Variants in ABCA10 observed in about 807,000 individuals in gnomAD.
ABCA10 encodes ATP binding cassette subfamily A member 10.
Under a neutral mutation model 187.5 loss-of-function variants are expected in ABCA10, and 169 were observed. The ratio of observed to expected loss-of-function variants is 0.90; its 90% CI spans 0.80 to 1.02. ABCA10 has a LOEUF of 1.02. ABCA10 is among the 50% of genes least tolerant of loss of function. The probability of loss-of-function intolerance (pLI) is 0.00; values close to 1 mark genes in which losing one functional copy is unlikely to be tolerated. For missense variants in ABCA10, 1,727 were observed against 1,812.4 expected (o/e 0.95, Z 0.86); for synonymous variants, 574 against 601.8 (o/e 0.95, Z 0.68).
At chr17:69,190,042 A>G (rs2074448196) in intron 18 of ABCA10, among the ~76,000 whole-genome samples, 1 of 152,212 alleles carries the variant, frequency 6.6e-6, no homozygotes, top group South Asian at 2.1e-4. Context: ...CAATAGCAGA[A>G]TTCATCGCTA....
In ABCA10 at chr17:69,182,877, A is replaced by C. The variant is rs1330100853; in HGVS notation, c.2498-69T>G. On this transcript the variant is annotated intron_variant, in intron 20 of 38. Transcript: ENST00000690296. ...CAAGAAAATCAAAGTCAAAGCTTAA[A>C]ATAATAATGATTGCCAATCGTGTTA... The C allele has an allele frequency of 2.0e-6, 3 of 1,515,962 alleles. No homozygotes were observed. In the African/African-American group the frequency reaches 4.2e-5, roughly 21 times the overall value. The allele number at this position is 1,515,962 out of a possible 1,614,324, so 93.9% of individuals were successfully genotyped here.
intron 20 of ABCA10, among the ~76,000 whole-genome samples, chr17:69,183,546 C>G (rs1017336334): frequency 6.6e-6 from 1 of 152,102 alleles, no homozygotes; most frequent in East Asian, 1.9e-4. Flanking sequence ...TGAGTGCCCT[C>G]GGTGTGAAAG....
intron 9 of ABCA10, among the ~76,000 whole-genome samples, chr17:69,209,868 A>G (rs2074624900): frequency 6.6e-6 from 1 of 152,190 alleles, no homozygotes; most frequent in South Asian, 2.1e-4. Context: ...AGACAATGGT[A>G]TCTCTATCTT....
At chr17:69,238,856 T>C (rs1404805511) in intron 1 of ABCA10, among the ~76,000 whole-genome samples, 2 of 152,208 alleles carry the variant, frequency 1.3e-5, no homozygotes, top group Non-Finnish European at 2.9e-5. Flanking sequence ...GAGGCAATTG[T>C]CTTCAACCTT....
chr17:69,222,483 G>A, intron 4 of ABCA10, 50 bp downstream of exon 4: 3 of 1,382,904 alleles, frequency 2.2e-6, no homozygotes, highest in Non-Finnish European at 2.9e-6. Context: ...CCAAACAGGG[G>A]ATTCCATGAA....
chr17:69,199,329 AT>A (rs1377977260), intron 10 of ABCA10, among the ~76,000 whole-genome samples: 1 of 152,224 alleles, frequency 6.6e-6, no homozygotes, highest in East Asian at 1.9e-4. Flanking sequence ...GTTAAAGACT[AT>A]CATTAATCTC....
chr17:69,193,198 G>T lies in ABCA10; in HGVS notation c.1692C>A (p.His564Gln). The change falls in exon 15 of 39, where the codon CAC becomes CAA. Residue 564 changes from histidine to glutamine, a missense_variant. Physicochemically the swap from His to Gln is conservative, Grantham distance 24. Transcript: ENST00000690296. ...GCTCCTTCAGGAGGCTCCACACTCG[G>T]TGTCTTGAAAAGGGATCCAATCCAG... ...PTAGLDPFSRHRVWSLLKEHK... is the reference protein window; with the variant it reads ...PTAGLDPFSRQRVWSLLKEHK... 6.2e-7 allele frequency: 1 copy of T among 1,614,096 alleles called. No homozygotes were observed. The highest frequency in any genetic ancestry group is 8.5e-7 in the Non-Finnish European group (1 of 1,180,006).
At chr17:69,181,623 T>C (rs1156517636) in intron 22 of ABCA10, among the ~76,000 whole-genome samples, 1 of 151,994 alleles carries the variant, frequency 6.6e-6, no homozygotes, top group East Asian at 1.9e-4. Flanking sequence ...AGTAAATAAT[T>C]ATATATTTAA....
intron 17 of ABCA10, among the ~76,000 whole-genome samples, 153 bp downstream of exon 17, chr17:69,191,023 T>C (rs1412844678): frequency 2.0e-5 from 3 of 152,154 alleles, no homozygotes; most frequent in East Asian, 1.9e-4. Context: ...CCTGGTAACA[T>C]AGATCATCAT....
At chr17:69,206,055 T>A (rs1325793488) in intron 9 of ABCA10, among the ~76,000 whole-genome samples, 1 of 152,178 alleles carries the variant, frequency 6.6e-6, no homozygotes, top group African/African-American at 2.4e-5. Context: ...CTAACTGTTA[T>A]AATTGAGCTT....
At chr17:69,240,933 C>T (rs759127412) in intron 1 of ABCA10, among the ~76,000 whole-genome samples, 17 of 152,190 alleles carry the variant, frequency 1.1e-4, no homozygotes, top group Non-Finnish European at 2.2e-4. Context: ...ACTGCTAGGG[C>T]CTTGCTGTAC....
intron 25 of ABCA10, among the ~76,000 whole-genome samples, chr17:69,166,163 ATCT>A (rs1322974796): frequency 6.6e-6 from 1 of 152,144 alleles, no homozygotes; most frequent in Non-Finnish European, 1.5e-5. Context: ...GAGGCTAATC[ATCT>A]TATTCTCAAG....
chr17:69,203,476 CTT>C (rs1217526111), intron 9 of ABCA10, among the ~76,000 whole-genome samples: 1 of 152,202 alleles, frequency 6.6e-6, no homozygotes, highest in Non-Finnish European at 1.5e-5. Context: ...ATCCTCATCT[CTT>C]TTCCCTCTCA....
chr17:69,202,072 C>T (rs184409916), intron 9 of ABCA10, among the ~76,000 whole-genome samples: 35 of 152,288 alleles, frequency 2.3e-4, no homozygotes, highest in East Asian at 1.5e-3. Context: ...CGTGAGCCAC[C>T]GTGCCCGGCT....
chr17:69,232,135 A>C (rs2074836313), upstream of ABCA10, among the ~76,000 whole-genome samples: 2 of 151,994 alleles, frequency 1.3e-5, no homozygotes, highest in African/African-American at 4.8e-5. Flanking sequence ...TCTCTTTACA[A>C]GTGTAGTGAG....
chr17:69,160,771 A>G (rs2074211759), intron 27 of ABCA10, among the ~76,000 whole-genome samples: 1 of 152,210 alleles, frequency 6.6e-6, no homozygotes, highest in Admixed American at 6.5e-5. Flanking sequence ...AAGTGTTGGT[A>G]AGGATGTGGA....
chr17:69,183,076 T>A (rs938766590), intron 20 of ABCA10, among the ~76,000 whole-genome samples: 19 of 152,278 alleles, frequency 1.2e-4, no homozygotes, highest in African/African-American at 4.6e-4. Flanking sequence ...AAAGAGTTTA[T>A]GAAAATAAGA....
chr17:69,239,412 T>C (rs1186664909), intron 1 of ABCA10, among the ~76,000 whole-genome samples: 5 of 152,188 alleles, frequency 3.3e-5, no homozygotes, highest in Non-Finnish European at 5.9e-5. Flanking sequence ...AAATAAATGC[T>C]CTAAGAAATC....
At position 69,174,387 on chromosome 17, in the gene ABCA10, C is replaced by T; in HGVS notation, c.3056G>A (p.Cys1019Tyr). 1.3e-6 allele frequency: 2 copies of T among 1,588,092 alleles called. No homozygotes were observed. The highest frequency in any genetic ancestry group is 1.7e-6 in the Non-Finnish European group (2 of 1,169,288). ...AAGAGAAACTGCACAACCAATTATGCATACCACCTGCAAATAATGAGGATC... is the reference window on the plus strand; with the variant it reads ...AAGAGAAACTGCACAACCAATTATGTATACCACCTGCAAATAATGAGGATC... ...SWELMFVLVV[C>Y]IIGCAVSLIF... Residue 1019 changes from cysteine (C) to tyrosine (Y), a missense_variant, in exon 25 of 39, where the codon TGC becomes TAC. Transcript: ENST00000690296.
Sources: allele counts gnomAD v4.1 joint callset (sites outside exome capture counted in the v4.1 genomes callset), GRCh38; gene constraint gnomAD v4.1.1; transcripts MANE v1.5; gene names NCBI Gene and HGNC (gene_info 2026-07-23, HGNC 2026-07-21).